The following DDX31 variants were observed in gnomAD, a reference collection of about 807,000 sequenced individuals.
The protein encoded by DDX31 is ATP-dependent DNA helicase DDX31.
A neutral mutation model predicts 91.3 loss-of-function variants in DDX31; 70 were observed. The ratio of observed to expected loss-of-function variants is 0.77; its 90% CI spans 0.63 to 0.94. The LOEUF (loss-of-function observed/expected upper bound fraction) is 0.94, where lower values mean the gene tolerates loss of function less well. DDX31 is among the 40% of genes least tolerant of loss of function. The probability of loss-of-function intolerance (pLI) is 0.00; values close to 1 mark genes in which losing one functional copy is unlikely to be tolerated. For synonymous variants in DDX31, 362 were observed against 350.6 expected (o/e 1.03, Z -0.36); for missense variants, 902 against 925.0 (o/e 0.98, Z 0.32).
intron 17 of DDX31, 71 bp from the exon 18 acceptor site, chr9:132,618,512 G>A: frequency 7.5e-7 from 1 of 1,325,316 alleles, no homozygotes; most frequent in East Asian, 2.5e-5. Flanking sequence ...GTTTATAATA[G>A]ATTTAATAAC....
chr9:132,618,288 G>C (rs1424194896), intron 18 of DDX31, 42 bp downstream of exon 18: 12 of 1,553,092 alleles, frequency 7.7e-6, no homozygotes, highest in Non-Finnish European at 9.7e-6. Flanking sequence ...AGAGCACTCT[G>C]CTGGGCTATC....
chr9:132,639,940 A>G (rs1385822595), intron 14 of DDX31, among the ~76,000 whole-genome samples: 1 of 152,242 alleles, frequency 6.6e-6, no homozygotes, highest in African/African-American at 2.4e-5. Flanking sequence ...ATTCCCAGTG[A>G]GCAAGTCTAT....
At chr9:132,636,901 A>G (rs529371913) in intron 14 of DDX31, among the ~76,000 whole-genome samples, 4 of 152,198 alleles carry the variant, frequency 2.6e-5, no homozygotes, top group Non-Finnish European at 1.5e-5. Flanking sequence ...TGGCAAGCTG[A>G]GCCTCAGCTG....
At chr9:132,635,664 C>T (rs928436866) in intron 14 of DDX31, among the ~76,000 whole-genome samples, 1 of 150,974 alleles carries the variant, frequency 6.6e-6, no homozygotes, top group Admixed American at 6.6e-5. Context: ...AACACACTCC[C>T]GGTGGGCGCA....
At chr9:132,631,926 G>C (rs930234621) in intron 15 of DDX31, 115 bp downstream of exon 15, 2 of 951,250 alleles carry the variant, frequency 2.1e-6, no homozygotes, top group Middle Eastern at 4.3e-4. Context: ...TTGCTGCCTG[G>C]TTACCAGGGC....
At chr9:132,614,825 C>G (rs1214406039) in intron 18 of DDX31, among the ~76,000 whole-genome samples, 1 of 152,180 alleles carries the variant, frequency 6.6e-6, no homozygotes, top group East Asian at 1.9e-4. Flanking sequence ...TTTCACACTG[C>G]ATATTTTTAC....
chr9:132,669,616 G>C (rs1272406975), intron 1 of DDX31: 25 of 1,523,776 alleles, frequency 1.6e-5, no homozygotes, highest in Non-Finnish European at 2.1e-5. Context: ...TTTTCTAGGC[G>C]CAGGAGCCAG....
intron 17 of DDX31, among the ~76,000 whole-genome samples, chr9:132,623,280 G>A (rs953969249): frequency 5.3e-5 from 8 of 151,936 alleles, no homozygotes; most frequent in Non-Finnish European, 1.0e-4. Context: ...AGTCCAGGCC[G>A]GGTGCAGTGG....
chr9:132,613,576 C>T (rs1235403386), intron 18 of DDX31, among the ~76,000 whole-genome samples: 1 of 152,140 alleles, frequency 6.6e-6, no homozygotes, highest in East Asian at 1.9e-4. Context: ...TGCCTGTAAT[C>T]CCGGCTACTC....
At position 132,658,778 on chromosome 9, in the gene DDX31, C is replaced by A. The variant is rs1426590313; in HGVS notation, c.524-43G>T. Reference sequence around the variant, plus strand: ...GAAGCAATTAAAATCACACACCCTACAGATGTTTAAGAAAAGCAAAGGATG... The same window carrying A: ...GAAGCAATTAAAATCACACACCCTAAAGATGTTTAAGAAAAGCAAAGGATG... On this transcript the variant is annotated intron_variant, in intron 5 of 19. Transcript: ENST00000372159. The A allele has an allele frequency of 1.9e-6, 3 of 1,574,966 alleles. No individual in the cohort carries two copies. In the African/African-American group the frequency reaches 4.1e-5, roughly 21 times the overall value.
intron 19 of DDX31, among the ~76,000 whole-genome samples, chr9:132,597,090 A>G (rs1327027129): frequency 1.3e-5 from 2 of 152,142 alleles, no homozygotes; most frequent in African/African-American, 4.8e-5. Context: ...TGAGGTCTGG[A>G]GATGCCACGC....
chr9:132,637,940 A>G (rs1378950718), intron 14 of DDX31: 9 of 1,004,584 alleles, frequency 9.0e-6, no homozygotes, highest in Non-Finnish European at 1.1e-5. Context: ...TTTGTCTCCT[A>G]GCCTCCTGGC....
chr9:132,631,447 C>G (rs1480283136), intron 15 of DDX31, among the ~76,000 whole-genome samples: 1 of 152,188 alleles, frequency 6.6e-6, no homozygotes. Context: ...GGCATGCAAT[C>G]CCACTAAAAT....
chr9:132,658,020 A>G, intron 6 of DDX31: 1 of 351,546 alleles, frequency 2.8e-6, no homozygotes, highest in Non-Finnish European at 5.1e-6. Flanking sequence ...CAAACACCAC[A>G]TTGGAACTTA....
chr9:132,646,532 T>C (rs1200026015), intron 12 of DDX31, among the ~76,000 whole-genome samples: 2 of 152,182 alleles, frequency 1.3e-5, no homozygotes, highest in African/African-American at 4.8e-5. Flanking sequence ...AGCCCCTACG[T>C]CTGCCTCACA....
intron 16 of DDX31, among the ~76,000 whole-genome samples, 173 bp from the exon 17 acceptor site, chr9:132,625,918 T>C (rs900001292): frequency 6.6e-6 from 1 of 152,180 alleles, no homozygotes; most frequent in African/African-American, 2.4e-5. Flanking sequence ...GGGACCTCTA[T>C]GATATTAAAG....
chr9:132,655,269 A>T (rs935694781), intron 6 of DDX31, among the ~76,000 whole-genome samples: 3 of 77,512 alleles, frequency 3.9e-5, no homozygotes, highest in Non-Finnish European at 9.5e-5. Flanking sequence ...TTCACGGTAC[A>T]TACATACATA....
At chr9:132,650,968 A>G in intron 8 of DDX31, 107 bp downstream of exon 8, 3 of 1,182,286 alleles carry the variant, frequency 2.5e-6, no homozygotes, top group Non-Finnish European at 3.7e-6. Flanking sequence ...ATCCAGGCAA[A>G]AGGAAATAAT....
Position 132,646,527 on chromosome 9 carries a change from C to G in DDX31, c.1203+296G>C, listed in dbSNP as rs141002316. On this transcript the variant is annotated intron_variant, in intron 12 of 19. Coordinates refer to ENST00000372159, the MANE Select transcript of DDX31 (RefSeq NM_022779.9). ...CTTGGAGAAACATGAGCACAAGCCC[C>G]TACGTCTGCCTCACATCCAGCTGTT... Among the ~76,000 whole-genome samples the G allele has an allele frequency of 6.4e-3, 976 of 152,264 alleles. 10 individuals carry two copies. The highest frequency in any genetic ancestry group is 0.019 in the South Asian group (93 of 4,824).
Sources: gnomAD v4.1 joint callset for allele counts (sites outside exome capture counted in the v4.1 genomes callset) on GRCh38, gnomAD v4.1.1 for gene constraint, MANE v1.5 for transcripts, NCBI Gene and HGNC (gene_info 2026-07-23, HGNC 2026-07-21) for gene names.